The following EBF1 variants were observed in gnomAD, a reference collection of about 807,000 sequenced individuals.
EBF1 encodes EBF transcription factor 1.
A neutral mutation model predicts 68.4 loss-of-function variants in EBF1; 10 were observed. That is an observed-to-expected ratio of 0.15 (90% CI 0.09 to 0.25). EBF1 has a LOEUF of 0.25. Ranked by LOEUF, EBF1 falls within the 10% of genes least tolerant of loss-of-function variation. The pLI is 1.00. For synonymous variants in EBF1, 298 were observed against 299.8 expected (o/e 0.99, Z 0.06); for missense variants, 509 against 794.4 (o/e 0.64, Z 4.32).
intron 6 of EBF1, among the ~76,000 whole-genome samples, chr5:159,062,914 CAT>C (rs1776118387): frequency 6.6e-6 from 1 of 152,216 alleles, no homozygotes; most frequent in Non-Finnish European, 1.5e-5. Context: ...AGGAGATTTG[CAT>C]GGTAATCGTG....
At chr5:158,851,970 T>G (rs1487888584) in intron 6 of EBF1, among the ~76,000 whole-genome samples, 20 of 11,888 alleles carry the variant, frequency 1.7e-3, no homozygotes, top group South Asian at 9.3e-3. Flanking sequence ...CAGGGAAGGG[T>G]GGGGAGGAGG....
At chr5:158,937,735 AAG>A (rs1021665111) in intron 6 of EBF1, among the ~76,000 whole-genome samples, 4 of 152,186 alleles carry the variant, frequency 2.6e-5, no homozygotes, top group African/African-American at 9.7e-5. Flanking sequence ...AGAGCTGAGA[AAG>A]AGAGTGTGAG....
intron 9 of EBF1, among the ~76,000 whole-genome samples, chr5:158,780,600 G>T (rs1367775891): frequency 6.6e-6 from 1 of 152,130 alleles, no homozygotes; most frequent in Non-Finnish European, 1.5e-5. Context: ...AGGTATTGTA[G>T]ATATTAATCT....
chr5:158,851,664 G>A, intron 6 of EBF1, among the ~76,000 whole-genome samples: 1 of 108,832 alleles, frequency 9.2e-6, no homozygotes, highest in Non-Finnish European at 1.9e-5. Flanking sequence ...GGGGAGGGGA[G>A]GAAGGGAAGG....
chr5:158,709,783 C>T (rs182492778), intron 14 of EBF1, among the ~76,000 whole-genome samples: 23 of 152,272 alleles, frequency 1.5e-4, no homozygotes, highest in African/African-American at 3.9e-4. Context: ...TGTGAAAATA[C>T]GCTCAATAAT....
intron 11 of EBF1, among the ~76,000 whole-genome samples, chr5:158,724,157 A>G (rs1325486104): frequency 2.0e-5 from 3 of 152,186 alleles, no homozygotes; most frequent in Non-Finnish European, 4.4e-5. Flanking sequence ...TGACAAGAGA[A>G]TGCAGAGATG....
chr5:158,707,898 T>G, intron 15 of EBF1, 81 bp downstream of exon 15: 1 of 1,440,228 alleles, frequency 6.9e-7, no homozygotes, highest in Non-Finnish European at 9.4e-7. Context: ...CCCTCAGCAA[T>G]GGTGATGCAT....
In EBF1 at chr5:158,995,136, G is replaced by A. The variant is rs557752374; in HGVS notation, c.554+78260C>T. Among the ~76,000 whole-genome samples the A allele has an allele frequency of 1.6e-4, 24 of 152,216 alleles. No individual in the cohort carries two copies. The South Asian group carries it at 5.0e-3, about 32-fold the overall frequency. On this transcript the variant is annotated intron_variant, in intron 6 of 15. Transcript: ENST00000313708. Reference sequence around the variant, plus strand: ...TCAGAGTTCATTTCCTCCTTGATGGGAGAATTTGGGGAATAGGAGTAAGTA... The same window carrying A: ...TCAGAGTTCATTTCCTCCTTGATGGAAGAATTTGGGGAATAGGAGTAAGTA...
chr5:158,703,766 C>T (rs1300588426), intron 15 of EBF1, among the ~76,000 whole-genome samples: 1 of 152,186 alleles, frequency 6.6e-6, no homozygotes, highest in Non-Finnish European at 1.5e-5. Context: ...AGGTTGTCCT[C>T]AGTCTTTCTG....
At chr5:158,968,840 C>T (rs1583544322) in intron 6 of EBF1, among the ~76,000 whole-genome samples, 1 of 152,006 alleles carries the variant, frequency 6.6e-6, no homozygotes, top group East Asian at 1.9e-4. Context: ...GCATTGATGC[C>T]ACAAAAATCT....
At chr5:158,872,176 T>TAGAA (rs1394055803) in intron 6 of EBF1, among the ~76,000 whole-genome samples, 1 of 151,722 alleles carries the variant, frequency 6.6e-6, no homozygotes, top group Non-Finnish European at 1.5e-5. Context: ...TCTACCCAAG[T>TAGAA]AGAAAACTTT....
chr5:158,782,168 C>T (rs982781599), intron 9 of EBF1, among the ~76,000 whole-genome samples: 1 of 152,202 alleles, frequency 6.6e-6, no homozygotes, highest in African/African-American at 2.4e-5. Context: ...TACGTTCCCT[C>T]TTCCAGTAAG....
chr5:158,704,421 C>T (rs972904171), intron 15 of EBF1, among the ~76,000 whole-genome samples: 26 of 152,122 alleles, frequency 1.7e-4, no homozygotes, highest in African/African-American at 1.9e-4. Context: ...CTTAAATGGC[C>T]TAAATGTGGC....
At chr5:159,089,797 GAAGAAAGA>G (rs984375810) in intron 4 of EBF1, among the ~76,000 whole-genome samples, 4 of 135,528 alleles carry the variant, frequency 3.0e-5, no homozygotes, top group Non-Finnish European at 6.5e-5. Context: ...AAAAAGAAAA[GAAGAAAGA>G]AAGAAAGAAG....
In EBF1 at chr5:158,791,456, C is replaced by T. The variant is rs540110169; in HGVS notation, c.909+4889G>A. Among the ~76,000 whole-genome samples the T allele has an allele frequency of 2.6e-5, 4 of 152,078 alleles. No individual in the cohort carries two copies. In the South Asian group the frequency reaches 8.3e-4, roughly 32 times the overall value. On this transcript the variant is annotated intron_variant, in intron 9 of 15. Coordinates refer to ENST00000313708, the MANE Select transcript of EBF1 (RefSeq NM_024007.5). ...ACTAAATCTATATCCTCTGATTGGG[C>T]AATGGAAGGACAATCAATACCCAAG...
chr5:158,847,319 T>A (rs1210984548), intron 6 of EBF1, among the ~76,000 whole-genome samples: 1 of 152,184 alleles, frequency 6.6e-6, no homozygotes, highest in Non-Finnish European at 1.5e-5. Context: ...CACGTAGGTC[T>A]CCTCATACTA....
At chr5:158,782,509 T>A (rs915063211) in intron 9 of EBF1, among the ~76,000 whole-genome samples, 2 of 151,716 alleles carry the variant, frequency 1.3e-5, no homozygotes, top group African/African-American at 4.8e-5. Context: ...AAAAAAATTT[T>A]AATTAGCCAG....
At chr5:158,775,736 G>T (rs1355006668) in intron 10 of EBF1, among the ~76,000 whole-genome samples, 1 of 145,796 alleles carries the variant, frequency 6.9e-6, no homozygotes, top group African/African-American at 2.6e-5. Context: ...CCCATAATGA[G>T]ACTTGTAAAA....
intron 4 of EBF1, among the ~76,000 whole-genome samples, chr5:159,092,532 C>A (rs139053187): frequency 2.0e-5 from 3 of 152,216 alleles, no homozygotes; most frequent in Non-Finnish European, 4.4e-5. Context: ...CTGTGTCATA[C>A]CAACACATCT....
Sources: gnomAD v4.1 joint callset for allele counts (sites outside exome capture counted in the v4.1 genomes callset) on GRCh38, gnomAD v4.1.1 for gene constraint, MANE v1.5 for transcripts, NCBI Gene and HGNC (gene_info 2026-07-23, HGNC 2026-07-21) for gene names.